The following DLG2 variants were observed in gnomAD, a reference collection of about 807,000 sequenced individuals.
DLG2 encodes the protein discs large MAGUK scaffold protein 2, also known as disks large homolog 2.
A neutral mutation model predicts 132.5 loss-of-function variants in DLG2; 45 were observed. That is an observed-to-expected ratio of 0.34 (90% CI 0.27 to 0.44). DLG2 has a LOEUF of 0.44. DLG2 is among the 20% of genes least tolerant of loss of function. DLG2 has a pLI of 1.00. For missense variants in DLG2, 1,045 were observed against 1,196.9 expected (o/e 0.87, Z 1.87); for synonymous variants, 424 against 419.6 (o/e 1.01, Z -0.13).
intron 3 of DLG2, among the ~76,000 whole-genome samples, chr11:85,585,714 A>AG (rs1431203017): frequency 2.1e-5 from 3 of 144,114 alleles, no homozygotes; most frequent in Admixed American, 6.8e-5. Flanking sequence ...GATATATCAC[A>AG]GTTTTTTTTT....
At chr11:83,745,223 A>C (rs1273852301) in intron 18 of DLG2, among the ~76,000 whole-genome samples, 2 of 152,246 alleles carry the variant, frequency 1.3e-5, no homozygotes, top group African/African-American at 4.8e-5. Flanking sequence ...AAATGCTGTG[A>C]AAACAAATTT....
intron 6 of DLG2, among the ~76,000 whole-genome samples, chr11:84,652,104 C>A (rs1433278748): frequency 6.6e-6 from 1 of 152,108 alleles, no homozygotes; most frequent in Non-Finnish European, 1.5e-5. Flanking sequence ...AAAACCTAAG[C>A]AAGAAGCATG....
At chr11:85,060,907 T>A (rs1463702062) in intron 6 of DLG2, among the ~76,000 whole-genome samples, 2 of 151,418 alleles carry the variant, frequency 1.3e-5, no homozygotes, top group South Asian at 4.1e-4. Context: ...TTTTGCTTTT[T>A]TGTTTTGTTT....
intron 6 of DLG2, among the ~76,000 whole-genome samples, chr11:84,563,606 T>C (rs991014771): frequency 1.3e-5 from 2 of 152,232 alleles, no homozygotes; most frequent in Admixed American, 1.3e-4. Context: ...ATGCTGTCTG[T>C]GTTTTAGGTT....
At chr11:84,879,629 G>C (rs2086965361) in intron 6 of DLG2, among the ~76,000 whole-genome samples, 1 of 152,082 alleles carries the variant, frequency 6.6e-6, no homozygotes, top group Admixed American at 6.6e-5. Context: ...ATGGAGGTCT[G>C]TTGGTATGAA....
intron 4 of DLG2, among the ~76,000 whole-genome samples, chr11:85,281,667 C>T (rs1193776096): frequency 1.3e-5 from 2 of 151,922 alleles, no homozygotes; most frequent in Admixed American, 1.3e-4. Context: ...TTTGAGCTCA[C>T]TGCAGTTAAA....
chr11:84,324,472 G>A (rs1423355772), intron 7 of DLG2, among the ~76,000 whole-genome samples: 1 of 151,970 alleles, frequency 6.6e-6, no homozygotes, highest in Non-Finnish European at 1.5e-5. Flanking sequence ...TTTTAAATCA[G>A]GAGGTATCAA....
At chr11:84,495,980 C>T (rs1310889367) in intron 7 of DLG2, among the ~76,000 whole-genome samples, 3 of 152,070 alleles carry the variant, frequency 2.0e-5, no homozygotes, top group Non-Finnish European at 2.9e-5. Flanking sequence ...TGAGTTTCCA[C>T]GTGGGACTCA....
intron 6 of DLG2, among the ~76,000 whole-genome samples, chr11:84,993,692 T>TG (rs1566599224): frequency 1.4e-5 from 1 of 69,592 alleles, no homozygotes; most frequent in Non-Finnish European, 2.4e-5. Flanking sequence ...CTTTAATCTT[T>TG]ACCTCTAATG....
At position 84,323,933 on chromosome 11, in the gene DLG2, G is replaced by A. The variant is rs147078653; in HGVS notation, c.520-72642C>T. ...TTGTTTTTTGGCTATTGAGTTGTAG[G>A]AGTACCTTATCTATTTTGGATATTA... On this transcript the variant is annotated intron_variant, in intron 7 of 27. Coordinates refer to ENST00000376104, the MANE Select transcript of DLG2 (RefSeq NM_001142699.3). 4.1e-3 allele frequency among the ~76,000 whole-genome samples: 628 copies of A among 151,838 alleles called. 5 individuals carry two copies. Among genetic ancestry groups the A allele is most frequent in the Non-Finnish European group, 7.2e-3 (490 of 67,870 alleles).
intron 6 of DLG2, among the ~76,000 whole-genome samples, chr11:84,772,200 G>T (rs541249652): frequency 2.4e-4 from 36 of 151,746 alleles, no homozygotes; most frequent in African/African-American, 8.2e-4. Context: ...TAATGATAAA[G>T]GTTCAATTCA....
chr11:84,026,041 G>C (rs1031323805), intron 11 of DLG2, among the ~76,000 whole-genome samples: 3 of 152,042 alleles, frequency 2.0e-5, no homozygotes, highest in Non-Finnish European at 4.4e-5. Context: ...AAATGAGTAG[G>C]CTGATTTGAG....
chr11:85,623,791 A>C (rs1279916118), intron 2 of DLG2, among the ~76,000 whole-genome samples: 2 of 152,224 alleles, frequency 1.3e-5, no homozygotes, highest in African/African-American at 4.8e-5. Context: ...GCTGTAAAAC[A>C]TGGCAAATGA....
intron 14 of DLG2, among the ~76,000 whole-genome samples, chr11:83,944,425 T>C (rs1010139401): frequency 6.6e-6 from 1 of 152,208 alleles, no homozygotes; most frequent in Non-Finnish European, 1.5e-5. Context: ...GAGGGACAGA[T>C]GACTAGTCAT....
At chr11:83,587,328 T>C (rs1026415935) in intron 19 of DLG2, among the ~76,000 whole-genome samples, 1 of 152,054 alleles carries the variant, frequency 6.6e-6, no homozygotes, top group East Asian at 1.9e-4. Context: ...TAGAGTACAA[T>C]GGTGCAATCT....
At chr11:84,430,192 C>A (rs1319571523) in intron 7 of DLG2, among the ~76,000 whole-genome samples, 1 of 152,070 alleles carries the variant, frequency 6.6e-6, no homozygotes, top group Non-Finnish European at 1.5e-5. Flanking sequence ...AATCCCAGTA[C>A]TTTGGGAGTC....
intron 7 of DLG2, among the ~76,000 whole-genome samples, chr11:84,344,966 AAG>A (rs1157164473): frequency 6.6e-6 from 1 of 152,298 alleles, no homozygotes; most frequent in African/African-American, 2.4e-5. Context: ...AGTGAAAAAA[AAG>A]AGAGATTGAA....
intron 4 of DLG2, among the ~76,000 whole-genome samples, chr11:85,172,216 G>T (rs1009057532): frequency 1.1e-4 from 17 of 152,210 alleles, no homozygotes; most frequent in African/African-American, 3.9e-4. Context: ...CCAGCATCAG[G>T]TTGGTGACCC....
intron 7 of DLG2, among the ~76,000 whole-genome samples, chr11:84,387,868 T>C (rs17147272): frequency 0.068 from 10,336 of 152,260 alleles, 434 homozygotes; most frequent in Admixed American, 0.1. Flanking sequence ...TGATGAAGTG[T>C]CAATGTTATG....
Sources: gnomAD v4.1 joint callset for allele counts (sites outside exome capture counted in the v4.1 genomes callset) on GRCh38, gnomAD v4.1.1 for gene constraint, MANE v1.5 for transcripts, NCBI Gene and HGNC (gene_info 2026-07-23, HGNC 2026-07-21) for gene names.